GRM1: variants seen among roughly 807,000 people sequenced by gnomAD.
GRM1 encodes the protein metabotropic glutamate receptor 1.
A neutral mutation model predicts 90.9 loss-of-function variants in GRM1; 33 were observed. The ratio of observed to expected loss-of-function variants is 0.36; its 90% CI spans 0.28 to 0.49. GRM1 has a LOEUF of 0.49. Ranked by LOEUF, GRM1 falls within the 20% of genes least tolerant of loss-of-function variation. The pLI, the probability that GRM1 is intolerant of heterozygous loss-of-function variation, is 0.99. For missense variants in GRM1, 1,190 were observed against 1,534.3 expected, an observed-to-expected ratio of 0.78 and a Z score of 3.75; for synonymous variants, 700 against 613.2, an observed-to-expected ratio of 1.14 and a Z score of -2.09.
chr6:146,275,804 C>T (rs1318891333), intron 2 of GRM1, among the ~76,000 whole-genome samples: 3 of 152,130 alleles, frequency 2.0e-5, no homozygotes, highest in Non-Finnish European at 4.4e-5. Context: ...ACCGATGATA[C>T]TGAAATTCTT....
chr6:146,264,922 T>C (rs1341224926), intron 2 of GRM1, among the ~76,000 whole-genome samples: 3 of 152,200 alleles, frequency 2.0e-5, no homozygotes, highest in Non-Finnish European at 4.4e-5. Context: ...TCATTTTCTT[T>C]ATTCAGGTAT....
At chr6:146,109,278 C>G (rs1775451542) in intron 1 of GRM1, among the ~76,000 whole-genome samples, 1 of 152,168 alleles carries the variant, frequency 6.6e-6, no homozygotes, top group Non-Finnish European at 1.5e-5. Flanking sequence ...CTCAGGGTCC[C>G]CATGCTGAGT....
chr6:146,184,008 G>A (rs1778637133), intron 2 of GRM1, among the ~76,000 whole-genome samples: 1 of 152,110 alleles, frequency 6.6e-6, no homozygotes, highest in Admixed American at 6.6e-5. Flanking sequence ...CCTCCCCACT[G>A]AGAACCCTGA....
chr6:146,258,004 T>G (rs969482032), intron 2 of GRM1, among the ~76,000 whole-genome samples: 1 of 151,778 alleles, frequency 6.6e-6, no homozygotes, highest in Non-Finnish European at 1.5e-5. Flanking sequence ...AAAAAAATAG[T>G]TTTTTTCTAA....
chr6:146,266,672 GTTCAAAC>G (rs749709747), intron 2 of GRM1, among the ~76,000 whole-genome samples: 4 of 152,184 alleles, frequency 2.6e-5, no homozygotes, highest in Non-Finnish European at 5.9e-5. Context: ...TTTGTAACTT[GTTCAAAC>G]TTGGTAACTT....
In GRM1 at chr6:146,159,546, T is replaced by A. The variant is rs1315552694; in HGVS notation, c.899T>A (p.Leu300Gln). ...FCEGMTVRGL[L>Q]SAMRRLGVVG... ...GAAGGCATGACAGTGCGAGGACTCC[T>A]GAGCGCCATGCGGCGCCTTGGCGTC... Residue 300 changes from leucine to glutamine, a missense_variant, in exon 2 of 8, where the codon CTG becomes CAG. By Grantham distance (113) the Leu-to-Gln change is moderately radical. Transcript: ENST00000282753. 6.2e-7 allele frequency: 1 copy of A among 1,614,072 alleles called. No individual in the cohort carries two copies. Among genetic ancestry groups the A allele is most frequent in the African/African-American group, 1.3e-5 (1 of 75,044 alleles).
At chr6:146,130,160 A>G (rs887225127) in intron 1 of GRM1, among the ~76,000 whole-genome samples, 1 of 152,050 alleles carries the variant, frequency 6.6e-6, no homozygotes, top group African/African-American at 2.4e-5. Flanking sequence ...AGATCCTGAT[A>G]CTTCACTAAA....
chr6:146,309,314 G>A (rs1349671632), intron 3 of GRM1, among the ~76,000 whole-genome samples: 1 of 151,636 alleles, frequency 6.6e-6, no homozygotes, highest in South Asian at 2.1e-4. Context: ...CAGGAGAATC[G>A]CTTGAGCCTG....
chr6:146,346,571 C>A (rs888122228), intron 3 of GRM1, among the ~76,000 whole-genome samples: 1 of 152,130 alleles, frequency 6.6e-6, no homozygotes, highest in East Asian at 1.9e-4. Flanking sequence ...CTAGACAGTT[C>A]TGAATCTTAT....
intron 3 of GRM1, among the ~76,000 whole-genome samples, chr6:146,307,433 G>A (rs549902792): frequency 2.0e-5 from 3 of 152,062 alleles, no homozygotes; most frequent in African/African-American, 7.2e-5. Context: ...TTTATCTTTA[G>A]CAGTGTTTAT....
intron 2 of GRM1, among the ~76,000 whole-genome samples, chr6:146,252,318 G>A (rs900943099): frequency 2.6e-5 from 4 of 152,162 alleles, no homozygotes; most frequent in African/African-American, 9.7e-5. Context: ...ACTTCCTGAG[G>A]GAGGTGACAT....
At position 146,225,381 on chromosome 6, in the gene GRM1, G is replaced by A. The variant is rs77184882; in HGVS notation, c.950+65784G>A. 5.5e-3 allele frequency among the ~76,000 whole-genome samples: 833 copies of A among 152,206 alleles called. 10 individuals are homozygous for A. Among genetic ancestry groups the A allele is most frequent in the African/African-American group, 0.019 (787 of 41,546 alleles). On this transcript the variant is annotated intron_variant, in intron 2 of 7. Coordinates refer to ENST00000282753, the MANE Select transcript of GRM1 (RefSeq NM_001278064.2). The stretch of plus-strand genomic sequence containing the variant: ...GGTACCACAGTATAATAATCTCCAG[G>A]GAAGTCCTCCCTTTGATATTCAGCA...
chr6:146,207,982 C>A (rs1379739870), intron 2 of GRM1, among the ~76,000 whole-genome samples: 2 of 152,122 alleles, frequency 1.3e-5, no homozygotes, highest in African/African-American at 4.8e-5. Context: ...TCCCTCCTTT[C>A]CCCTCTTGCA....
chr6:146,177,170 A>G (rs1254748640), intron 2 of GRM1, among the ~76,000 whole-genome samples: 1 of 152,108 alleles, frequency 6.6e-6, no homozygotes, highest in African/African-American at 2.4e-5. Context: ...AAAGTAAAGT[A>G]AGTGAGTCCT....
intron 5 of GRM1, among the ~76,000 whole-genome samples, chr6:146,380,871 G>A (rs956227109): frequency 6.6e-6 from 1 of 152,098 alleles, no homozygotes; most frequent in Non-Finnish European, 1.5e-5. Flanking sequence ...TTCCTTCGAG[G>A]CAACAGGTTC....
At chr6:146,239,851 A>G (rs929231909) in intron 2 of GRM1, among the ~76,000 whole-genome samples, 15 of 152,084 alleles carry the variant, frequency 9.9e-5, no homozygotes, top group Non-Finnish European at 1.9e-4. Context: ...CCGGAGATTC[A>G]GGAACCGAAT....
At position 146,304,232 on chromosome 6, in the gene GRM1, C is replaced by T. The variant is rs553835811; in HGVS notation, c.951-379C>T. On this transcript the variant is annotated intron_variant, in intron 2 of 7. Transcript: ENST00000282753. ...CTTGTTGAGCTCTTATTTTGAAGGTCAGCCTCTGAGGTACCTAGATTTTAT... is the reference window on the plus strand; with the variant it reads ...CTTGTTGAGCTCTTATTTTGAAGGTTAGCCTCTGAGGTACCTAGATTTTAT... Among the ~76,000 whole-genome samples the T allele has an allele frequency of 2.6e-5, 4 of 152,212 alleles. No homozygotes were observed. The East Asian group carries it at 7.8e-4, about 29-fold the overall frequency.
rs1050233631 is a variant in GRM1, at chr6:146,334,436, G to A, written c.1187-17814G>A. 3.9e-4 allele frequency among the ~76,000 whole-genome samples: 60 copies of A among 152,202 alleles called. 1 individual carries two copies. The highest frequency in any genetic ancestry group is 3.7e-3 in the Admixed American group (56 of 15,292). On this transcript the variant is annotated intron_variant, in intron 3 of 7. Transcript: ENST00000282753. The stretch of plus-strand genomic sequence containing the variant: ...AATTAAAAAAATTCAAAAATCATAA[G>A]AGGCCATCAAATGCTTCTACACATT...
At chr6:146,040,697 T>C (rs1791066795) in intron 1 of GRM1, among the ~76,000 whole-genome samples, 1 of 151,966 alleles carries the variant, frequency 6.6e-6, no homozygotes, top group African/African-American at 2.4e-5. Flanking sequence ...CTTTTGAAAG[T>C]TTCATTATTA....
Sources: gnomAD v4.1 joint callset for allele counts (sites outside exome capture counted in the v4.1 genomes callset) on GRCh38, gnomAD v4.1.1 for gene constraint, MANE v1.5 for transcripts, NCBI Gene and HGNC (gene_info 2026-07-23, HGNC 2026-07-21) for gene names.